The following TMTC2 variants were observed in gnomAD, a reference collection of about 807,000 sequenced individuals.
TMTC2 encodes protein O-mannosyl-transferase TMTC2.
In TMTC2, 43 loss-of-function variants were observed where a neutral mutation model predicts 82.4. That is an observed-to-expected ratio of 0.52 (90% confidence interval 0.41 to 0.67). The LOEUF (loss-of-function observed/expected upper bound fraction) is 0.67. Ranked by LOEUF, TMTC2 falls within the 30% of genes least tolerant of loss-of-function variation. The pLI, the probability that TMTC2 is intolerant of heterozygous loss-of-function variation, is 0.00. For missense variants in TMTC2, 919 were observed against 1,012.4 expected (o/e 0.91, Z 1.25); for synonymous variants, 408 against 381.9 (o/e 1.07, Z -0.80).
intron 3 of TMTC2, among the ~76,000 whole-genome samples, chr12:82,900,907 AAT>A (rs542661097): frequency 5.8e-5 from 6 of 103,518 alleles, no homozygotes; most frequent in East Asian, 2.7e-4. Flanking sequence ...TATATATAGG[AAT>A]ATATATATAT....
intron 3 of TMTC2, among the ~76,000 whole-genome samples, chr12:82,922,837 A>G (rs891298506): frequency 2.0e-5 from 3 of 152,128 alleles, no homozygotes; most frequent in African/African-American, 7.2e-5. Context: ...AACAGTATTT[A>G]CATGGTATTA....
chr12:82,980,693 A>G (rs1473737994), intron 7 of TMTC2, among the ~76,000 whole-genome samples: 3 of 151,442 alleles, frequency 2.0e-5, no homozygotes, highest in South Asian at 4.1e-4. Flanking sequence ...TTTAATAAAG[A>G]AAGTTCTAAA....
At chr12:82,824,317 T>C (rs1297941570) in intron 1 of TMTC2, among the ~76,000 whole-genome samples, 3 of 152,208 alleles carry the variant, frequency 2.0e-5, no homozygotes, top group African/African-American at 7.2e-5. Context: ...ATCAGCCCTC[T>C]TTGGCTGATG....
At position 82,857,420 on chromosome 12, in the gene TMTC2, C is replaced by T; in HGVS notation, c.494C>T (p.Ser165Leu). ...YIKHCSTRGY[S>L]ARTWGWFLGS... Reference sequence around the variant, plus strand: ...AAACACTGTTCTACAAGAGGCTACTCAGCCAGAACCTGGGGCTGGTTCCTG... The same window carrying T: ...AAACACTGTTCTACAAGAGGCTACTTAGCCAGAACCTGGGGCTGGTTCCTG... The change falls in exon 2 of 12, where the codon TCA (serine) becomes TTA (leucine). Residue 165 changes from serine to leucine, a missense_variant. Ser to Leu is a moderately radical substitution (Grantham distance 145, BLOSUM62 -2). Transcript: ENST00000321196. 1 of 1,614,230 alleles carries T rather than the reference C, an allele frequency of 6.2e-7. No homozygotes were observed. The highest frequency in any genetic ancestry group is 1.6e-4 in the Middle Eastern group (1 of 6,062).
In TMTC2 at chr12:82,816,108, G is replaced by A. The variant is rs142077127; in HGVS notation, c.84-40902G>A. Reference sequence around the variant, plus strand: ...AAACTTTGTCTAAAAAGAAGTTAAGGCAATTTACAAATTTTTGTTGAGTCG... The same window carrying A: ...AAACTTTGTCTAAAAAGAAGTTAAGACAATTTACAAATTTTTGTTGAGTCG... On this transcript the variant is annotated intron_variant, in intron 1 of 11. Coordinates refer to ENST00000321196, the MANE Select transcript of TMTC2 (RefSeq NM_152588.3). 6.8e-3 allele frequency among the ~76,000 whole-genome samples: 1,023 copies of A among 150,956 alleles called. 46 individuals are homozygous for A. The highest frequency in any genetic ancestry group is 0.059 in the Admixed American group (893 of 15,182).
chr12:82,800,900 G>T (rs1213942663), intron 1 of TMTC2, among the ~76,000 whole-genome samples: 1 of 152,100 alleles, frequency 6.6e-6, no homozygotes, highest in Admixed American at 6.5e-5. Flanking sequence ...CAACAAAGAG[G>T]GGGTTAAATC....
chr12:83,082,186 T>TCTTTTTAAA (rs1430596675), intron 11 of TMTC2, among the ~76,000 whole-genome samples: 4 of 152,272 alleles, frequency 2.6e-5, no homozygotes, highest in Non-Finnish European at 5.9e-5. Context: ...AGATGTCATA[T>TCTTTTTAAA]GACTCAATTC....
At chr12:83,102,141 AT>A (rs775876136) in intron 11 of TMTC2, among the ~76,000 whole-genome samples, 1 of 152,194 alleles carries the variant, frequency 6.6e-6, no homozygotes, top group Non-Finnish European at 1.5e-5. Flanking sequence ...CTGGGAATGC[AT>A]TTGCCCCCAC....
intron 1 of TMTC2, among the ~76,000 whole-genome samples, chr12:82,791,930 A>G (rs34503419): frequency 6.6e-6 from 1 of 152,080 alleles, no homozygotes; most frequent in Admixed American, 6.6e-5. Context: ...CCCAACTGTT[A>G]CCGTTCTAAG....
intron 3 of TMTC2, among the ~76,000 whole-genome samples, chr12:82,928,739 T>C (rs1421893088): frequency 1.3e-5 from 2 of 152,202 alleles, no homozygotes; most frequent in African/African-American, 4.8e-5. Flanking sequence ...TGGGCACTTA[T>C]GTGTGGAACT....
At chr12:82,942,865 A>C (rs922887353) in intron 4 of TMTC2, among the ~76,000 whole-genome samples, 4 of 152,228 alleles carry the variant, frequency 2.6e-5, no homozygotes, top group Non-Finnish European at 4.4e-5. Flanking sequence ...CAAAAGATGA[A>C]ACATTTTCTT....
chr12:83,011,903 C>T (rs1356282043), intron 8 of TMTC2, among the ~76,000 whole-genome samples: 2 of 152,088 alleles, frequency 1.3e-5, no homozygotes, highest in Admixed American at 1.3e-4. Context: ...ATTATTGTTA[C>T]TAGCTTGGTT....
At chr12:83,000,891 C>T (rs771387881) in intron 8 of TMTC2, among the ~76,000 whole-genome samples, 2 of 152,184 alleles carry the variant, frequency 1.3e-5, no homozygotes, top group African/African-American at 2.4e-5. Context: ...GCAGGCTCAA[C>T]ACCACATGGA....
chr12:82,917,641 A>G (rs1041332612), intron 3 of TMTC2, among the ~76,000 whole-genome samples: 4 of 152,060 alleles, frequency 2.6e-5, no homozygotes, highest in East Asian at 1.9e-4. Context: ...TCACTCTGTC[A>G]CCCAGGCTGG....
chr12:83,061,335 C>T (rs1476178872), intron 10 of TMTC2, among the ~76,000 whole-genome samples: 1 of 151,706 alleles, frequency 6.6e-6, no homozygotes, highest in Non-Finnish European at 1.5e-5. Context: ...TCTTTCTAGA[C>T]AGATGTGGAA....
chr12:82,884,668 G>A (rs1164383166), intron 2 of TMTC2, among the ~76,000 whole-genome samples: 2 of 152,070 alleles, frequency 1.3e-5, no homozygotes, highest in Non-Finnish European at 2.9e-5. Flanking sequence ...AGAAAATAAG[G>A]CAAAGTTCCC....
At chr12:82,755,946 A>G (rs1050820990) in intron 1 of TMTC2, among the ~76,000 whole-genome samples, 2 of 152,190 alleles carry the variant, frequency 1.3e-5, no homozygotes, top group Non-Finnish European at 2.9e-5. Context: ...AAAAACCCTG[A>G]TATTTGTGCT....
chr12:82,786,093 A>G (rs1280999096), intron 1 of TMTC2, among the ~76,000 whole-genome samples: 1 of 152,038 alleles, frequency 6.6e-6, no homozygotes, highest in Non-Finnish European at 1.5e-5. Context: ...TGTTTTGCTG[A>G]TGTCTTTCTT....
chr12:83,129,417 CAG>C (rs1228382595), intron 11 of TMTC2, among the ~76,000 whole-genome samples: 6 of 152,134 alleles, frequency 3.9e-5, no homozygotes, highest in African/African-American at 1.4e-4. Context: ...TTCATCAGAA[CAG>C]ATTTAACTTC....
Sources: gnomAD v4.1 joint callset for allele counts (sites outside exome capture counted in the v4.1 genomes callset) on GRCh38, gnomAD v4.1.1 for gene constraint, MANE v1.5 for transcripts, NCBI Gene and HGNC (gene_info 2026-07-23, HGNC 2026-07-21) for gene names.